KIF11: variants seen among roughly 807,000 people sequenced by gnomAD.
The protein encoded by KIF11 is kinesin family member 11, also known as kinesin-like protein KIF11.
KIF11 carries 9 observed loss-of-function variants against 121.0 expected under a neutral mutation model. The observed-to-expected ratio is 0.07, with a 90% confidence interval of 0.04 to 0.13. The LOEUF (loss-of-function observed/expected upper bound fraction) is 0.13, where lower values mean the gene tolerates loss of function less well. KIF11 is among the 10% of genes least tolerant of loss of function. The pLI, the probability that KIF11 is intolerant of heterozygous loss-of-function variation, is 1.00. For missense variants in KIF11, 846 were observed against 1,217.5 expected (o/e 0.69, Z 4.54); for synonymous variants, 408 against 421.0 (o/e 0.97, Z 0.38).
At chr10:92,651,513 T>TG (rs1844981602) in intron 21 of KIF11, among the ~76,000 whole-genome samples, 1 of 43,794 alleles carries the variant, frequency 2.3e-5, no homozygotes, top group Non-Finnish European at 4.0e-5. Context: ...TTTTGTTTTT[T>TG]TTTTTTTTTT....
intron 21 of KIF11, among the ~76,000 whole-genome samples, chr10:92,651,995 G>T (rs7893798): frequency 0.14 from 17,487 of 125,022 alleles, 2,268 homozygotes; most frequent in African/African-American, 0.35. Flanking sequence ...AATATATATA[G>T]AGAGAGGGTC....
chr10:92,630,522 T>C (rs1844725423), intron 12 of KIF11, among the ~76,000 whole-genome samples, 158 bp downstream of exon 12: 1 of 152,238 alleles, frequency 6.6e-6, no homozygotes, highest in African/African-American at 2.4e-5. Flanking sequence ...TTTTTCTCAC[T>C]GGAGATGTCG....
At position 92,637,052 on chromosome 10, in the gene KIF11, AAGAAT is replaced by A. The variant is rs1844810856; in HGVS notation, c.1876-131_1876-127del. The A allele has an allele frequency of 1.1e-5, 8 of 712,866 alleles. No homozygotes were observed. In the South Asian group the frequency reaches 1.6e-4, roughly 14 times the overall value. 44.2% of individuals were successfully genotyped at this position (712,866 alleles called of 1,614,324 possible). ...CGTCTCAAAAAAAAAAAAAAAAAAA[AAGAAT>A]GGAGAATGGAAATGTAAATTTTAAT... On this transcript the variant is annotated intron_variant, in intron 14 of 21. Coordinates refer to ENST00000260731, the MANE Select transcript of KIF11 (RefSeq NM_004523.4).
chr10:92,648,811 C>G (rs1235308998), intron 19 of KIF11, among the ~76,000 whole-genome samples: 1 of 152,144 alleles, frequency 6.6e-6, no homozygotes, highest in East Asian at 1.9e-4. Flanking sequence ...TGTTCTGTGT[C>G]CCTCTCATTT....
At position 92,653,994 on chromosome 10, in the gene KIF11, G is replaced by A; in HGVS notation, c.*198G>A. 1 of 389,370 alleles carries A rather than the reference G, an allele frequency of 2.6e-6. No homozygotes were observed. Among genetic ancestry groups the A allele is most frequent in the East Asian group, 4.7e-5 (1 of 21,274 alleles). 24.1% of individuals were successfully genotyped at this position (389,370 alleles called of 1,614,324 possible). On this transcript the variant is annotated 3_prime_UTR_variant, in exon 22 of 22. Transcript: ENST00000260731. ...AGCCCAGGAGTTTGAGACCAGCCTG[G>A]CCAACGTGGCAAAACCTCGTCTCTG...
intron 17 of KIF11, 114 bp downstream of exon 17, chr10:92,640,014 T>C: frequency 1.7e-6 from 1 of 577,410 alleles, no homozygotes; most frequent in Non-Finnish European, 3.0e-6. Flanking sequence ...TTCTCTTTTG[T>C]TAATATTTTA....
chr10:92,630,193 G>C lies in KIF11; in HGVS notation c.1323G>C (p.Met441Ile). The change falls in exon 12 of 22, where the codon ATG becomes ATC. Residue 441 changes from methionine to isoleucine, a missense_variant. This residue lies in a region of KIF11 where 95 missense variants were observed against 109.3 expected (regional missense o/e 0.87). Transcript: ENST00000260731. ...ATATTTAGGTTACAGAGTTGTTTAT[G>C]GATAATAAAAATGAACTTGACCAGT... ...EELNRVTELFMDNKNELDQCK... is the reference protein window; with the variant it reads ...EELNRVTELFIDNKNELDQCK... The C allele has an allele frequency of 1.3e-6, 2 of 1,563,256 alleles. No individual in the cohort carries two copies. Among genetic ancestry groups the C allele is most frequent in the Non-Finnish European group, 1.7e-6 (2 of 1,155,628 alleles).
Position 92,593,273 on chromosome 10 carries a change from A to G in KIF11, c.-103A>G, listed in dbSNP as rs1260090753. On this transcript the variant is annotated 5_prime_UTR_variant, in exon 1 of 22. Coordinates refer to ENST00000260731, the MANE Select transcript of KIF11 (RefSeq NM_004523.4). The stretch of plus-strand genomic sequence containing the variant: ...GTCCTCCAGGCCACGCCAGCGCCCG[A>G]GAGGGACCAGGGAGACTCCGGCCCC... 2.5e-6 allele frequency: 3 copies of G among 1,219,014 alleles called. No individual in the cohort carries two copies. The highest frequency in any genetic ancestry group is 3.4e-6 in the Non-Finnish European group (3 of 871,448). 75.5% of individuals were successfully genotyped at this position (1,219,014 alleles called of 1,614,324 possible). A position where few individuals can be genotyped will look rare whatever the true frequency, so the allele number is the denominator to read the frequency against.
intron 12 of KIF11, among the ~76,000 whole-genome samples, chr10:92,631,295 GA>G (rs201439676): frequency 0.28 from 26,993 of 97,294 alleles, 4,362 homozygotes; most frequent in African/African-American, 0.52. Flanking sequence ...CTCTGTTTCA[GA>G]AAAAAAAAAA....
chr10:92,608,230 G>C (rs1415328681), intron 4 of KIF11, among the ~76,000 whole-genome samples: 6 of 150,576 alleles, frequency 4.0e-5, no homozygotes, highest in African/African-American at 1.5e-4. Flanking sequence ...TCCCACTTCA[G>C]CCTCCTGAGT....
chr10:92,606,471 T>C (rs1054875072), intron 2 of KIF11, 74 bp downstream of exon 2: 6 of 1,321,930 alleles, frequency 4.5e-6, no homozygotes, highest in Admixed American at 2.5e-5. Context: ...ACCTGGAAAA[T>C]GGTGTATACT....
intron 17 of KIF11, among the ~76,000 whole-genome samples, chr10:92,640,530 C>T (rs939053215): frequency 6.6e-6 from 1 of 152,222 alleles, no homozygotes; most frequent in Admixed American, 6.5e-5. Context: ...CTTCCAGGCT[C>T]ACGCCATTCT....
intron 1 of KIF11, among the ~76,000 whole-genome samples, chr10:92,597,715 G>T (rs897624966): frequency 7.9e-5 from 12 of 151,838 alleles, no homozygotes; most frequent in African/African-American, 2.9e-4. Context: ...GCATTGGTAC[G>T]ATCTTGGCTT....
intron 17 of KIF11, among the ~76,000 whole-genome samples, chr10:92,644,632 T>G (rs1844900665): frequency 6.6e-6 from 1 of 152,222 alleles, no homozygotes; most frequent in African/African-American, 2.4e-5. Context: ...TTTTCAGTCA[T>G]TGTGACTTTC....
chr10:92,614,635 C>T (rs1844534021), intron 8 of KIF11, among the ~76,000 whole-genome samples: 1 of 152,052 alleles, frequency 6.6e-6, no homozygotes, highest in Non-Finnish European at 1.5e-5. Flanking sequence ...TGAATGCTCG[C>T]TAGTGTGGTA....
rs200110608 is a variant in KIF11, at chr10:92,653,649, C to T, written c.3040-16C>T. The T allele has an allele frequency of 7.0e-5, 113 of 1,602,902 alleles. No individual in the cohort carries two copies. In the East Asian group the frequency reaches 2.3e-3, roughly 32 times the overall value. Reference sequence around the variant, plus strand: ...TTACTTTGTATTGACTTAATTTTCCCGCCTTAAATCCACAGCATAAAAAAT... The same window carrying T: ...TTACTTTGTATTGACTTAATTTTCCTGCCTTAAATCCACAGCATAAAAAAT... On this transcript the variant is annotated splice_polypyrimidine_tract_variant and intron_variant, in intron 21 of 21. Transcript: ENST00000260731.
intron 10 of KIF11, among the ~76,000 whole-genome samples, chr10:92,626,412 CAAGAT>C (rs1844678040): frequency 6.6e-6 from 1 of 152,262 alleles, no homozygotes; most frequent in Non-Finnish European, 1.5e-5. Flanking sequence ...GAAATCAACT[CAAGAT>C]GGATTAAAAA....
rs531583241 is a variant in KIF11, at chr10:92,621,102, C to T, written c.1129-283C>T. On this transcript the variant is annotated intron_variant, in intron 9 of 21. Coordinates refer to ENST00000260731, the MANE Select transcript of KIF11 (RefSeq NM_004523.4). Reference sequence around the variant, plus strand: ...GATGCTTTTATAAGGAATCCTGGTTCATTTTAGTGTGAATTACTCCTACCA... The same window carrying T: ...GATGCTTTTATAAGGAATCCTGGTTTATTTTAGTGTGAATTACTCCTACCA... Among the ~76,000 whole-genome samples, 10 of 152,268 alleles carry T rather than the reference C, an allele frequency of 6.6e-5. 1 individual carries two copies. The South Asian group carries it at 2.1e-3, about 32-fold the overall frequency.
intron 1 of KIF11, among the ~76,000 whole-genome samples, chr10:92,604,506 G>A (rs1844408789): frequency 6.6e-6 from 1 of 152,040 alleles, no homozygotes; most frequent in South Asian, 2.1e-4. Flanking sequence ...CATTCATGTT[G>A]GTTATATGCA....
Sources: gnomAD v4.1 joint callset for allele counts (sites outside exome capture counted in the v4.1 genomes callset) on GRCh38, gnomAD v4.1.1 for gene constraint, gnomAD v4.1.1 regional missense constraint, MANE v1.5 for transcripts, NCBI Gene and HGNC (gene_info 2026-07-23, HGNC 2026-07-21) for gene names.